Variants in SLC22A14 observed in about 807,000 individuals in gnomAD.
The protein encoded by SLC22A14 is solute carrier family 22 member 14, also known as organic cation transporter-like 4.
A neutral mutation model predicts 53.9 loss-of-function variants in SLC22A14; 50 were observed. The ratio of observed to expected loss-of-function variants is 0.93; its 90% CI spans 0.74 to 1.17. SLC22A14 has a LOEUF of 1.17. SLC22A14 is among the 50% of genes most tolerant of loss of function. The pLI is 0.00. For synonymous variants in SLC22A14, 312 were observed against 303.0 expected (o/e 1.03, Z -0.31); for missense variants, 671 against 734.7 (o/e 0.91, Z 1.00).
intron 9 of SLC22A14, among the ~76,000 whole-genome samples, chr3:38,315,914 T>G (rs1229486302): frequency 2.6e-5 from 4 of 152,188 alleles, no homozygotes; most frequent in Non-Finnish European, 5.9e-5. Flanking sequence ...ACCAGACAGA[T>G]AAAGGCACTC....
At chr3:38,315,218 C>T (rs1704586232) in intron 8 of SLC22A14, among the ~76,000 whole-genome samples, 1 of 152,268 alleles carries the variant, frequency 6.6e-6, no homozygotes, top group South Asian at 2.1e-4. Flanking sequence ...AGGCCTGGCC[C>T]TGAGTGGATC....
At chr3:38,315,786 T>C in intron 9 of SLC22A14, 75 bp downstream of exon 9, 1 of 1,442,564 alleles carries the variant, frequency 6.9e-7, no homozygotes, top group Non-Finnish European at 9.6e-7. Context: ...ATGCAGCAAC[T>C]AAGACAAGCA....
chr3:38,305,940 A>C (rs1332219948), intron 1 of SLC22A14, 87 bp from the exon 2 acceptor site: 1 of 1,363,040 alleles, frequency 7.3e-7, no homozygotes, highest in Non-Finnish European at 1.0e-6. Flanking sequence ...GCCAGAGGCC[A>C]GTTCCTAGTC....
chr3:38,313,553 A>T, intron 7 of SLC22A14, 68 bp downstream of exon 7: 2 of 1,217,990 alleles, frequency 1.6e-6, no homozygotes, highest in Non-Finnish European at 2.4e-6. Flanking sequence ...TAGGGAGAGG[A>T]TGGGAATGGT....
chr3:38,302,533 G>A (rs995967359), intron 1 of SLC22A14, among the ~76,000 whole-genome samples: 42 of 151,840 alleles, frequency 2.8e-4, no homozygotes, highest in African/African-American at 9.2e-4. Context: ...GGGTGCACCT[G>A]TAGTCTCAGC....
chr3:38,312,931 C>A, intron 5 of SLC22A14, 68 bp from the exon 6 acceptor site: 1 of 1,550,116 alleles, frequency 6.5e-7, no homozygotes, highest in Non-Finnish European at 8.7e-7. Context: ...GCTGAGGCCA[C>A]GAGAGGGCCA....
At chr3:38,281,072 G>A (rs968134355), upstream of SLC22A14, among the ~76,000 whole-genome samples, 3 of 152,182 alleles carry the variant, frequency 2.0e-5, no homozygotes, top group East Asian at 5.8e-4. Flanking sequence ...CTGCTCAAGA[G>A]TGGGGAACTC....
At chr3:38,312,822 G>C (rs1295394923) in intron 5 of SLC22A14, among the ~76,000 whole-genome samples, 177 bp from the exon 6 acceptor site, 4 of 152,316 alleles carry the variant, frequency 2.6e-5, no homozygotes, top group African/African-American at 9.6e-5. Context: ...ACAGGGGAAG[G>C]GCTGACCACC....
chr3:38,304,707 C>T (rs539821549), intron 1 of SLC22A14, among the ~76,000 whole-genome samples: 1 of 152,312 alleles, frequency 6.6e-6, no homozygotes, highest in East Asian at 1.9e-4. Context: ...TTCTCTCCAG[C>T]TGATTTTCAA....
upstream of SLC22A14, among the ~76,000 whole-genome samples, chr3:38,279,793 C>G (rs1263449240): frequency 6.6e-6 from 1 of 152,112 alleles, no homozygotes; most frequent in African/African-American, 2.4e-5. Flanking sequence ...GGTTGTGTAT[C>G]TCCTTGATTT....
intron 1 of SLC22A14, among the ~76,000 whole-genome samples, chr3:38,300,009 T>C (rs1292465418): frequency 6.6e-6 from 1 of 152,204 alleles, no homozygotes; most frequent in African/African-American, 2.4e-5. Context: ...CTGTTGGAAG[T>C]GTGTCTTCGG....
chr3:38,280,055 GCT>G (rs1483945699), upstream of SLC22A14, among the ~76,000 whole-genome samples: 1 of 152,190 alleles, frequency 6.6e-6, no homozygotes, highest in Non-Finnish European at 1.5e-5. Flanking sequence ...GTACCTGCTT[GCT>G]GACATCACAG....
chr3:38,284,995 C>A (rs1011742068), intron 1 of SLC22A14, among the ~76,000 whole-genome samples: 1 of 152,140 alleles, frequency 6.6e-6, no homozygotes, highest in Non-Finnish European at 1.5e-5. Flanking sequence ...AGAAAGACAG[C>A]CTTCTGCACC....
chr3:38,281,016 T>C (rs997223148), upstream of SLC22A14, among the ~76,000 whole-genome samples: 5 of 152,214 alleles, frequency 3.3e-5, no homozygotes, highest in Admixed American at 6.5e-5. Flanking sequence ...GGCTTCTGGG[T>C]GCTCACTGTG....
chr3:38,281,824 T>A (rs1245863430), upstream of SLC22A14, among the ~76,000 whole-genome samples: 12 of 152,350 alleles, frequency 7.9e-5, no homozygotes, highest in East Asian at 2.1e-3. Flanking sequence ...TTTCCTGTCC[T>A]GCCACTTTGG....
chr3:38,305,639 T>G, intron 1 of SLC22A14: 5 of 174,414 alleles, frequency 2.9e-5, no homozygotes, highest in Admixed American at 5.6e-5. Flanking sequence ...TGCAGATCTT[T>G]GTTTGTTTTT....
In SLC22A14 at chr3:38,318,256, G is replaced by A. The variant is rs750257935; in HGVS notation, c.*7G>A. On this transcript the variant is annotated 3_prime_UTR_variant, in exon 11 of 11. Coordinates refer to ENST00000448498, the MANE Select transcript of SLC22A14 (RefSeq NM_001320033.2). The stretch of plus-strand genomic sequence containing the variant: ...ATCATCTGATGATGTCTGAGGAAGC[G>A]GCCAAGAATGTCATTCTCAATGCCC... 60 of 1,612,348 alleles carry A rather than the reference G, an allele frequency of 3.7e-5. No homozygotes were observed. Among genetic ancestry groups the A allele is most frequent in the East Asian group, 8.9e-5 (4 of 44,884 alleles).
chr3:38,310,965 A>G (rs1038789764), intron 5 of SLC22A14, among the ~76,000 whole-genome samples: 1 of 152,170 alleles, frequency 6.6e-6, no homozygotes, highest in Admixed American at 6.5e-5. Flanking sequence ...TAACTCTCCT[A>G]TAATCTCTCT....
At chr3:38,285,057 GC>G (rs1320593813) in intron 1 of SLC22A14, among the ~76,000 whole-genome samples, 2 of 152,212 alleles carry the variant, frequency 1.3e-5, no homozygotes, top group Non-Finnish European at 2.9e-5. Context: ...GTGAGAAACA[GC>G]CTTGGTGCCC....
Sources: gnomAD v4.1 joint callset for allele counts (sites outside exome capture counted in the v4.1 genomes callset) on GRCh38, gnomAD v4.1.1 for gene constraint, MANE v1.5 for transcripts, NCBI Gene and HGNC (gene_info 2026-07-23, HGNC 2026-07-21) for gene names.